The following ADGRL3 variants were observed in gnomAD, a reference collection of about 807,000 sequenced individuals.
ADGRL3 encodes adhesion G protein-coupled receptor L3.
Under a neutral mutation model 153.5 loss-of-function variants are expected in ADGRL3, and 62 were observed. That is an observed-to-expected ratio of 0.40 (90% CI 0.33 to 0.50). ADGRL3 has a LOEUF of 0.50. Ranked by LOEUF, ADGRL3 falls within the 20% of genes least tolerant of loss-of-function variation. The probability of loss-of-function intolerance (pLI) is 0.47; values close to 1 mark genes in which losing one functional copy is unlikely to be tolerated. For synonymous variants in ADGRL3, 710 were observed against 672.5 expected, an observed-to-expected ratio of 1.06 and a Z score of -0.86; for missense variants, 1,641 against 1,859.4, an observed-to-expected ratio of 0.88 and a Z score of 2.16.
chr4:61,505,209 G>T (rs1381298985), intron 3 of ADGRL3, among the ~76,000 whole-genome samples: 2 of 152,096 alleles, frequency 1.3e-5, no homozygotes, highest in South Asian at 2.1e-4. Context: ...TAGTGATGTT[G>T]AGCATTTTTC....
Position 61,326,299 on chromosome 4 carries a change from C to A in ADGRL3, c.-239-56825C>A, listed in dbSNP as rs1022877665. ...TAAATATCTAGACATATATTCACAT[C>A]CTTTCAAATTTTCAGGAGACACAGA... On this transcript the variant is annotated intron_variant, in intron 1 of 26. Coordinates refer to ENST00000683033, the MANE Select transcript of ADGRL3 (RefSeq NM_001387552.1). Among the ~76,000 whole-genome samples, 10 of 151,974 alleles carry A rather than the reference C, an allele frequency of 6.6e-5. 1 individual carries two copies. Among genetic ancestry groups the A allele is most frequent in the African/African-American group, 2.4e-4 (10 of 41,398 alleles).
intron 9 of ADGRL3, among the ~76,000 whole-genome samples, chr4:61,874,433 C>T (rs1229550720): frequency 6.6e-6 from 1 of 152,272 alleles, no homozygotes; most frequent in African/African-American, 2.4e-5. Context: ...TAATCACATA[C>T]ATCCCACCAC....
chr4:61,875,537 T>G (rs1283891306), intron 9 of ADGRL3, among the ~76,000 whole-genome samples: 1 of 152,210 alleles, frequency 6.6e-6, no homozygotes, highest in African/African-American at 2.4e-5. Context: ...CTGAACTCTG[T>G]TTTCCTTTGC....
At chr4:61,243,533 G>C (rs1017022919) in intron 1 of ADGRL3, among the ~76,000 whole-genome samples, 3 of 152,000 alleles carry the variant, frequency 2.0e-5, no homozygotes, top group African/African-American at 4.8e-5. Context: ...CTGCATGAGA[G>C]AGAGACTTAG....
chr4:61,360,207 A>C (rs2096262584), intron 1 of ADGRL3, among the ~76,000 whole-genome samples: 1 of 152,232 alleles, frequency 6.6e-6, no homozygotes, highest in African/African-American at 2.4e-5. Flanking sequence ...CATGAGAGCT[A>C]GAAAATTTCA....
At chr4:62,062,999 T>C (rs766225932) in intron 25 of ADGRL3, among the ~76,000 whole-genome samples, 3 of 152,126 alleles carry the variant, frequency 2.0e-5, no homozygotes, top group Non-Finnish European at 4.4e-5. Context: ...TGTCAACAAC[T>C]GCTCTCCAAA....
At chr4:61,807,274 T>G (rs2097562108) in intron 8 of ADGRL3, among the ~76,000 whole-genome samples, 1 of 152,078 alleles carries the variant, frequency 6.6e-6, no homozygotes, top group African/African-American at 2.4e-5. Flanking sequence ...TTGCTATTAT[T>G]TGTGTTGAGG....
intron 1 of ADGRL3, among the ~76,000 whole-genome samples, chr4:61,373,164 T>C (rs1354596031): frequency 6.6e-6 from 1 of 152,138 alleles, no homozygotes; most frequent in East Asian, 1.9e-4. Context: ...GTACCTCAGA[T>C]GGAAATGCAG....
At chr4:61,675,638 GA>G (rs1276777972) in intron 5 of ADGRL3, among the ~76,000 whole-genome samples, 1 of 57,866 alleles carries the variant, frequency 1.7e-5, no homozygotes, top group Admixed American at 2.0e-4. Flanking sequence ...CTATGGCTTA[GA>G]AAGTTTTATT....
intron 1 of ADGRL3, among the ~76,000 whole-genome samples, chr4:61,213,512 A>G (rs550435998): frequency 3.9e-5 from 6 of 152,168 alleles, no homozygotes; most frequent in Non-Finnish European, 7.4e-5. Context: ...AAATACAGAG[A>G]TACGTAAAGT....
chr4:61,869,648 G>C (rs1055490054), intron 9 of ADGRL3, among the ~76,000 whole-genome samples: 1 of 151,826 alleles, frequency 6.6e-6, no homozygotes, highest in Non-Finnish European at 1.5e-5. Context: ...ACTGGGCGTG[G>C]TGGCTCACAC....
intron 8 of ADGRL3, among the ~76,000 whole-genome samples, chr4:61,807,300 T>C (rs1003263217): frequency 1.3e-5 from 2 of 149,778 alleles, no homozygotes; most frequent in Non-Finnish European, 3.0e-5. Context: ...TTTTGCTCAA[T>C]CTTTGCAAAA....
intron 1 of ADGRL3, among the ~76,000 whole-genome samples, chr4:61,223,333 A>G (rs572537487): frequency 3.7e-4 from 57 of 152,354 alleles, no homozygotes; most frequent in African/African-American, 1.3e-3. Flanking sequence ...ATGAAAGAGT[A>G]GAAAGTGCAT....
Position 62,070,917 on chromosome 4 carries a change from A to T in ADGRL3, c.*9A>T. 2 of 1,530,902 alleles carry T rather than the reference A, an allele frequency of 1.3e-6. No individual in the cohort carries two copies. Among genetic ancestry groups the T allele is most frequent in the Non-Finnish European group, 1.8e-6 (2 of 1,136,466 alleles). The allele number at this position is 1,530,902 out of a possible 1,614,324, so 94.8% of individuals were successfully genotyped here. On this transcript the variant is annotated 3_prime_UTR_variant, in exon 27 of 27. Coordinates refer to ENST00000683033, the MANE Select transcript of ADGRL3 (RefSeq NM_001387552.1). Reference sequence around the variant, plus strand: ...TGGTCACTAGTCTATAGAAGATGACACAGAAATTGGAACCAACAAAACTGC... The same window carrying T: ...TGGTCACTAGTCTATAGAAGATGACTCAGAAATTGGAACCAACAAAACTGC...
At chr4:61,581,580 C>G (rs1182656476) in intron 4 of ADGRL3, among the ~76,000 whole-genome samples, 1 of 151,958 alleles carries the variant, frequency 6.6e-6, no homozygotes, top group African/African-American at 2.4e-5. Flanking sequence ...TCTTGATTAC[C>G]TATCCTGACT....
intron 1 of ADGRL3, among the ~76,000 whole-genome samples, chr4:61,299,838 A>G (rs988368190): frequency 1.3e-5 from 2 of 152,210 alleles, no homozygotes; most frequent in Non-Finnish European, 2.9e-5. Flanking sequence ...GTCTGATGCA[A>G]TAGAAATGCT....
chr4:61,383,819 C>T (rs2096703312), intron 2 of ADGRL3, among the ~76,000 whole-genome samples: 1 of 151,670 alleles, frequency 6.6e-6, no homozygotes. Flanking sequence ...TTACATCTTC[C>T]CCAGAAAATC....
At chr4:61,722,187 G>T (rs78692500) in intron 6 of ADGRL3, among the ~76,000 whole-genome samples, 33 of 152,284 alleles carry the variant, frequency 2.2e-4, no homozygotes, top group African/African-American at 7.9e-4. Context: ...TTTATGGATT[G>T]TGAAGGCAGA....
chr4:61,372,960 C>T (rs147173741), intron 1 of ADGRL3, among the ~76,000 whole-genome samples: 345 of 152,254 alleles, frequency 2.3e-3, no homozygotes, highest in African/African-American at 8.0e-3. Flanking sequence ...GTCGGAAAAG[C>T]GCAGTATTCG....
Sources: allele counts gnomAD v4.1 joint callset (sites outside exome capture counted in the v4.1 genomes callset), GRCh38; gene constraint gnomAD v4.1.1; transcripts MANE v1.5; gene names NCBI Gene and HGNC (gene_info 2026-07-23, HGNC 2026-07-21).